Variants in ZFHX3 observed in about 807,000 individuals in gnomAD.
ZFHX3 encodes zinc finger homeobox 3.
Under a neutral mutation model 279.1 loss-of-function variants are expected in ZFHX3, and 42 were observed. The ratio of observed to expected loss-of-function variants is 0.15; its 90% CI spans 0.12 to 0.19. The LOEUF is 0.19. Among genes scored for constraint, ZFHX3 ranks in the 10% least tolerant of loss-of-function variants. The probability of loss-of-function intolerance (pLI) is 1.00; values close to 1 mark genes in which losing one functional copy is unlikely to be tolerated. For synonymous variants in ZFHX3, 2,293 were observed against 1,957.8 expected, an observed-to-expected ratio of 1.17 and a Z score of -4.52; for missense variants, 4,981 against 4,754.0, an observed-to-expected ratio of 1.05 and a Z score of -1.40.
chr16:73,747,682 G>T (rs1042523723), intron 1 of ZFHX3, among the ~76,000 whole-genome samples: 4 of 152,140 alleles, frequency 2.6e-5, no homozygotes, highest in African/African-American at 7.2e-5. Context: ...TATAGGTAAT[G>T]TATGTATGTG....
intron 1 of ZFHX3, chr16:73,680,261 A>AT (rs2052996834): frequency 6.6e-6 from 1 of 152,066 alleles, no homozygotes; most frequent in African/African-American, 2.4e-5. Flanking sequence ...GAAAAAAAAA[A>AT]GTTTAAGGAA....
intron 2 of ZFHX3, among the ~76,000 whole-genome samples, chr16:73,465,489 G>A (rs963806432): frequency 2.6e-5 from 4 of 152,024 alleles, no homozygotes; most frequent in African/African-American, 9.7e-5. Flanking sequence ...GGTCTCACTG[G>A]AGACTGGAAC....
At chr16:73,216,489 G>A (rs796218685) in intron 5 of ZFHX3, among the ~76,000 whole-genome samples, 15 of 152,276 alleles carry the variant, frequency 9.9e-5, no homozygotes, top group African/African-American at 3.6e-4. Flanking sequence ...TCAAAAGACT[G>A]TGAACTCCAA....
chr16:73,627,437 T>C (rs549365712), intron 2 of ZFHX3, among the ~76,000 whole-genome samples: 8 of 152,188 alleles, frequency 5.3e-5, no homozygotes, highest in Non-Finnish European at 1.2e-4. Flanking sequence ...GCCGGAAAGT[T>C]TGAGGCACAG....
intron 3 of ZFHX3, among the ~76,000 whole-genome samples, chr16:73,454,476 C>T (rs1285050024): frequency 6.6e-6 from 1 of 150,986 alleles, no homozygotes; most frequent in African/African-American, 2.4e-5. Flanking sequence ...GTAATGGGAC[C>T]ATTCAAGCTA....
intron 3 of ZFHX3, among the ~76,000 whole-genome samples, chr16:73,327,786 T>C (rs1259267184): frequency 6.6e-6 from 1 of 152,324 alleles, no homozygotes; most frequent in Non-Finnish European, 1.5e-5. Context: ...CATTCACCCA[T>C]GTGTGGTTTA....
chr16:73,175,322 G>C (rs1010186713), intron 5 of ZFHX3, among the ~76,000 whole-genome samples: 1 of 152,172 alleles, frequency 6.6e-6, no homozygotes, highest in Non-Finnish European at 1.5e-5. Context: ...GGAGGCTGCA[G>C]TGAGCTGAGA....
chr16:73,247,769 T>C (rs1196108096), intron 5 of ZFHX3, among the ~76,000 whole-genome samples: 1 of 152,114 alleles, frequency 6.6e-6, no homozygotes, highest in African/African-American at 2.4e-5. Context: ...GTGTATATAC[T>C]GCATATATGA....
intron 4 of ZFHX3, among the ~76,000 whole-genome samples, chr16:73,272,344 G>A (rs552499165): frequency 4.7e-4 from 71 of 152,122 alleles, no homozygotes; most frequent in Non-Finnish European, 6.2e-4. Context: ...GGTCTTTGAA[G>A]TAAAAAAATC....
chr16:73,878,565 C>T (rs1327303365), intron 1 of ZFHX3, among the ~76,000 whole-genome samples: 1 of 152,030 alleles, frequency 6.6e-6, no homozygotes, highest in Non-Finnish European at 1.5e-5. Flanking sequence ...ATGCCATACT[C>T]CCAGATCTAG....
intron 4 of ZFHX3, among the ~76,000 whole-genome samples, chr16:72,839,397 C>G (rs1332675924): frequency 2.0e-5 from 3 of 152,104 alleles, no homozygotes; most frequent in Non-Finnish European, 2.9e-5. Flanking sequence ...TCTTTTTCTC[C>G]TTTCTTTCAA....
chr16:72,918,238 G>A (rs2039491221), intron 3 of ZFHX3, among the ~76,000 whole-genome samples: 1 of 152,034 alleles, frequency 6.6e-6, no homozygotes, highest in South Asian at 2.1e-4. Context: ...GGGCAAGGAT[G>A]GTAAGGGGTT....
intron 1 of ZFHX3, among the ~76,000 whole-genome samples, chr16:73,025,138 AAAG>A (rs1476434543): frequency 1.3e-5 from 2 of 152,206 alleles, no homozygotes; most frequent in Non-Finnish European, 2.9e-5. Flanking sequence ...GCACTTGTTG[AAAG>A]AAGATGAGTA....
chr16:73,697,509 A>G (rs1053976359), intron 1 of ZFHX3, among the ~76,000 whole-genome samples: 8 of 152,186 alleles, frequency 5.3e-5, no homozygotes, highest in African/African-American at 1.9e-4. Flanking sequence ...CCAAGTTGCT[A>G]TATACCTGAC....
intron 2 of ZFHX3, among the ~76,000 whole-genome samples, chr16:73,603,245 A>G (rs1410391752): frequency 6.6e-6 from 1 of 151,420 alleles, no homozygotes; most frequent in Non-Finnish European, 1.5e-5. Flanking sequence ...AGATTGCGAC[A>G]CTGCACTCCA....
chr16:73,246,707 G>C (rs1038768813), intron 5 of ZFHX3, among the ~76,000 whole-genome samples: 3 of 152,178 alleles, frequency 2.0e-5, no homozygotes, highest in African/African-American at 7.2e-5. Flanking sequence ...CTTTAGATAC[G>C]ATGTGCTTAA....
intron 2 of ZFHX3, among the ~76,000 whole-genome samples, chr16:73,562,370 C>T (rs1478604866): frequency 2.0e-5 from 3 of 151,990 alleles, no homozygotes; most frequent in African/African-American, 4.8e-5. Context: ...CCAAGGCGGG[C>T]GGATCACGAG....
intron 1 of ZFHX3, among the ~76,000 whole-genome samples, chr16:73,018,303 C>T (rs1264049131): frequency 6.7e-6 from 1 of 149,660 alleles, no homozygotes; most frequent in African/African-American, 2.4e-5. Flanking sequence ...TGGTTTTGAT[C>T]TTATAAAATA....
intron 1 of ZFHX3, among the ~76,000 whole-genome samples, chr16:73,767,210 C>T (rs116046399): frequency 0.017 from 2,546 of 152,140 alleles, 70 homozygotes; most frequent in African/African-American, 0.057. Flanking sequence ...GTGCTGGGAT[C>T]GCAGGTGTGA....
Sources: gnomAD v4.1 joint callset for allele counts (sites outside exome capture counted in the v4.1 genomes callset) on GRCh38, gnomAD v4.1.1 for gene constraint, MANE v1.5 for transcripts, NCBI Gene and HGNC (gene_info 2026-07-23, HGNC 2026-07-21) for gene names.